SPTBN1: variants seen among roughly 807,000 people sequenced by gnomAD.
SPTBN1 encodes spectrin beta, non-erythrocytic 1, also known as spectrin beta chain, non-erythrocytic 1.
Under a neutral mutation model 266.4 loss-of-function variants are expected in SPTBN1, and 32 were observed. The observed-to-expected ratio is 0.12, with a 90% CI of 0.09 to 0.16. The LOEUF (loss-of-function observed/expected upper bound fraction) is 0.16. Ranked by LOEUF, SPTBN1 falls within the 10% of genes least tolerant of loss-of-function variation. The pLI is 1.00. For synonymous variants in SPTBN1, 1,336 were observed against 1,162.2 expected (o/e 1.15, Z -3.04); for missense variants, 2,296 against 3,067.1 (o/e 0.75, Z 5.94).
At position 54,628,120 on chromosome 2, in the gene SPTBN1, T is replaced by C. The variant is rs1002281744; in HGVS notation, c.1668T>C (p.Tyr556=). 5 of 1,613,516 alleles carry C rather than the reference T, an allele frequency of 3.1e-6. No individual in the cohort carries two copies. Among genetic ancestry groups the C allele is most frequent in the South Asian group, 1.1e-5 (1 of 91,010 alleles). The change falls in exon 13 of 36, where the codon TAT becomes TAC. Residue 556 remains tyrosine, a synonymous_variant. Transcript: ENST00000356805. The surrounding 1 kb of genome is among the most constrained non-coding windows in gnomAD (Gnocchi z 4.3). ...EMKVLVLSQD[Y]GKHLLGVEDL... is the part of the protein sequence containing the mutation. ...AGGTGCTAGTATTGTCTCAAGACTATGGCAAACACTTACTTGGTGTGGAAG... is the reference window on the plus strand; with the variant it reads ...AGGTGCTAGTATTGTCTCAAGACTACGGCAAACACTTACTTGGTGTGGAAG...
rs1404855254 is a variant in SPTBN1, at chr2:54,649,602, A to AT, written c.5203-12dup. ...AGTGGGCTCTCTGATTTCCTTACCCATCCCCGTTTCAGATGTTACAAGAAC... is the reference window on the plus strand; with the variant it reads ...AGTGGGCTCTCTGATTTCCTTACCCATTCCCCGTTTCAGATGTTACAAGAAC... On this transcript the variant is annotated splice_polypyrimidine_tract_variant and intron_variant, in intron 25 of 35. Transcript: ENST00000356805. The surrounding 1 kb of genome is among the most constrained non-coding windows in gnomAD (Gnocchi z 6.7). 1 of 1,602,640 alleles carries AT rather than the reference A, an allele frequency of 6.2e-7. No individual in the cohort carries two copies. The highest frequency in any genetic ancestry group is 8.5e-7 in the Non-Finnish European group (1 of 1,170,474).
At position 54,456,841 on chromosome 2, in the gene SPTBN1, G is replaced by A. The variant is rs540557002; in HGVS notation, c.-48+323G>A. On this transcript the variant is annotated intron_variant, in intron 1 of 35. Transcript: ENST00000356805. ...GGCCCCAGCCCCGGCGCGGCGCGGC[G>A]ATTCCTCCTCCCTGCCTCCGCCGGC... 4.6e-5 allele frequency among the ~76,000 whole-genome samples: 7 copies of A among 151,404 alleles called. No individual in the cohort carries two copies. In the South Asian group the frequency reaches 1.5e-3, roughly 31 times the overall value.
At chr2:54,456,868 C>T (rs1362986357) in intron 1 of SPTBN1, among the ~76,000 whole-genome samples, 1 of 151,518 alleles carries the variant, frequency 6.6e-6, no homozygotes, top group Non-Finnish European at 1.5e-5. Flanking sequence ...TCCGCCGGCG[C>T]CTCCCTGCAG....
chr2:54,592,426 C>T (rs537799673), intron 2 of SPTBN1, among the ~76,000 whole-genome samples: 5 of 151,604 alleles, frequency 3.3e-5, no homozygotes, highest in Non-Finnish European at 7.4e-5. Flanking sequence ...CTCCTGTTGC[C>T]CAGGCTGGAG....
intron 5 of SPTBN1, 76 bp downstream of exon 5, chr2:54,616,374 G>A (rs1677609223): frequency 7.7e-7 from 1 of 1,303,842 alleles, no homozygotes; most frequent in African/African-American, 1.5e-5. Flanking sequence ...CTTAGAAGGT[G>A]TTGACAGGTA....
intron 2 of SPTBN1, chr2:54,557,713 A>G: frequency 2.0e-6 from 2 of 985,378 alleles, no homozygotes; most frequent in Non-Finnish European, 2.4e-6. Flanking sequence ...GTGCTCCCAT[A>G]AATCTTCCTT....
chr2:54,643,787 C>T (rs1344959330), intron 19 of SPTBN1, among the ~76,000 whole-genome samples: 1 of 152,070 alleles, frequency 6.6e-6, no homozygotes, highest in African/African-American at 2.4e-5. Flanking sequence ...AGTTTCAGAC[C>T]AGCTTGGCCA....
chr2:54,614,718 G>A (rs1314288066), intron 4 of SPTBN1, among the ~76,000 whole-genome samples: 3 of 151,642 alleles, frequency 2.0e-5, no homozygotes, highest in African/African-American at 7.3e-5. Context: ...CAGGAGAATC[G>A]CTTGAATATG....
rs4455199 is a variant in SPTBN1, at chr2:54,564,973, T to G, written c.149-34119T>G. On this transcript the variant is annotated intron_variant, in intron 2 of 35. Transcript: ENST00000356805. ...AGCAAAATTAATGAAGTCAGTGTTA[T>G]AGACTCCCTTATTGCTGTGGTTCCC... 4.6e-5 allele frequency among the ~76,000 whole-genome samples: 7 copies of G among 152,202 alleles called. No homozygotes were observed. In the South Asian group the frequency reaches 1.5e-3, roughly 32 times the overall value.
intron 32 of SPTBN1, chr2:54,662,153 A>G: frequency 1.0e-6 from 1 of 985,390 alleles, no homozygotes; most frequent in Non-Finnish European, 1.2e-6. Flanking sequence ...CGCTAAAGAG[A>G]AGCAACGTGG....
chr2:54,579,985 C>T (rs1220971063), intron 2 of SPTBN1, among the ~76,000 whole-genome samples: 1 of 152,174 alleles, frequency 6.6e-6, no homozygotes, highest in Non-Finnish European at 1.5e-5. Context: ...TCTGGTGTTG[C>T]TAGGACAGAC....
intron 1 of SPTBN1, among the ~76,000 whole-genome samples, chr2:54,485,141 A>G (rs1668286503): frequency 9.4e-6 from 1 of 106,064 alleles, no homozygotes; most frequent in African/African-American, 2.6e-5. Context: ...ATTGAAAACA[A>G]TCGCCTCTCC....
At chr2:54,563,363 G>C (rs1314539697) in intron 2 of SPTBN1, among the ~76,000 whole-genome samples, 2 of 152,100 alleles carry the variant, frequency 1.3e-5, no homozygotes, top group Non-Finnish European at 2.9e-5. Context: ...TCTGGAGAAG[G>C]TGCATTCTCT....
At chr2:54,639,974 A>T (rs1291139408) in intron 18 of SPTBN1, among the ~76,000 whole-genome samples, 1 of 152,166 alleles carries the variant, frequency 6.6e-6, no homozygotes, top group African/African-American at 2.4e-5. Context: ...ATTAGAAGTT[A>T]GTACAGCCAT....
At chr2:54,635,002 C>T (rs895725575) in intron 17 of SPTBN1, among the ~76,000 whole-genome samples, 4 of 152,214 alleles carry the variant, frequency 2.6e-5, no homozygotes, top group African/African-American at 9.7e-5. Context: ...AAAGCAAGAC[C>T]CTGTCTCACA....
At chr2:54,567,927 A>G (rs1426258274) in intron 2 of SPTBN1, among the ~76,000 whole-genome samples, 1 of 152,176 alleles carries the variant, frequency 6.6e-6, no homozygotes, top group Admixed American at 6.5e-5. Flanking sequence ...TAGAATTTTG[A>G]AAGTGAAATA....
At chr2:54,545,812 A>T (rs528354791) in intron 2 of SPTBN1, among the ~76,000 whole-genome samples, 1 of 151,950 alleles carries the variant, frequency 6.6e-6, no homozygotes, top group Non-Finnish European at 1.5e-5. Context: ...GACCTCTAAG[A>T]TTGTGTATAT....
chr2:54,600,628 G>A (rs1676435302), intron 3 of SPTBN1, among the ~76,000 whole-genome samples: 1 of 151,986 alleles, frequency 6.6e-6, no homozygotes, highest in South Asian at 2.1e-4. Flanking sequence ...GCAGCTTTAA[G>A]TATAATTTTT....
intron 2 of SPTBN1, among the ~76,000 whole-genome samples, chr2:54,571,797 G>A (rs1188229518): frequency 3.3e-5 from 5 of 152,144 alleles, no homozygotes; most frequent in African/African-American, 1.2e-4. Flanking sequence ...AATATAAGCA[G>A]TAATGCATAT....
Sources: gnomAD v4.1 joint callset for allele counts (sites outside exome capture counted in the v4.1 genomes callset) on GRCh38, gnomAD v4.1.1 for gene constraint, Gnocchi (gnomAD v3.1) non-coding constraint, MANE v1.5 for transcripts, NCBI Gene and HGNC (gene_info 2026-07-23, HGNC 2026-07-21) for gene names.